Variants in CDH13 observed in about 807,000 individuals in gnomAD.
The protein encoded by CDH13 is cadherin 13.
A neutral mutation model predicts 63.8 loss-of-function variants in CDH13; 24 were observed. The ratio of observed to expected loss-of-function variants is 0.38; its 90% CI spans 0.27 to 0.53. CDH13 has a LOEUF of 0.53. Ranked by LOEUF, CDH13 falls within the 20% of genes least tolerant of loss-of-function variation. CDH13 has a pLI of 0.85. For missense variants in CDH13, 1,049 were observed against 903.1 expected (o/e 1.16, Z -2.07); for synonymous variants, 503 against 355.3 (o/e 1.42, Z -4.67).
intron 3 of CDH13, among the ~76,000 whole-genome samples, chr16:83,102,930 C>CTTTTTTTTTTTTTCTTTTTCT (rs71148812): frequency 2.1e-5 from 2 of 96,924 alleles, no homozygotes; most frequent in Non-Finnish European, 3.8e-5. Flanking sequence ...TTTTCTTTTT[C>CTTTTTTTTTTTTTCTTTTTCT]TTTTTTTTTT....
chr16:83,099,272 C>A (rs936654673), intron 3 of CDH13, among the ~76,000 whole-genome samples: 1 of 152,118 alleles, frequency 6.6e-6, no homozygotes, highest in Non-Finnish European at 1.5e-5. Flanking sequence ...TGTACACACA[C>A]ACATTTTACA....
chr16:83,616,724 T>A (rs955964209), intron 8 of CDH13, among the ~76,000 whole-genome samples: 5 of 152,136 alleles, frequency 3.3e-5, no homozygotes, highest in Non-Finnish European at 5.9e-5. Context: ...ATGGAGCCTG[T>A]TGGAAGATGA....
intron 6 of CDH13, among the ~76,000 whole-genome samples, chr16:83,359,841 C>G (rs77436711): frequency 6.6e-6 from 1 of 152,008 alleles, no homozygotes; most frequent in Non-Finnish European, 1.5e-5. Flanking sequence ...ATTTGTCATT[C>G]GGTGGTTTTT....
chr16:82,662,423 A>G (rs980207586), intron 1 of CDH13, among the ~76,000 whole-genome samples: 2 of 152,218 alleles, frequency 1.3e-5, no homozygotes, highest in Non-Finnish European at 2.9e-5. Flanking sequence ...AAAGAGATTT[A>G]TGTGATGAAA....
At chr16:83,763,057 G>T (rs141630071) in intron 11 of CDH13, among the ~76,000 whole-genome samples, 1 of 152,178 alleles carries the variant, frequency 6.6e-6, no homozygotes, top group African/African-American at 2.4e-5. Context: ...TATCAAACGC[G>T]TCATATTCCC....
intron 2 of CDH13, among the ~76,000 whole-genome samples, chr16:83,014,729 TAAAA>T (rs36157010): frequency 4.5e-5 from 1 of 22,276 alleles, no homozygotes; most frequent in African/African-American, 1.7e-4. Context: ...AGACTCCATC[TAAAA>T]AAAAAAAAAA....
intron 10 of CDH13, among the ~76,000 whole-genome samples, chr16:83,737,236 T>A (rs1263950233): frequency 1.3e-5 from 2 of 152,142 alleles, no homozygotes; most frequent in Non-Finnish European, 2.9e-5. Context: ...AGACTTAAGT[T>A]ATTAGTGAGC....
At chr16:83,763,103 G>T (rs1399498129) in intron 11 of CDH13, among the ~76,000 whole-genome samples, 2 of 152,088 alleles carry the variant, frequency 1.3e-5, no homozygotes, top group Non-Finnish European at 2.9e-5. Flanking sequence ...GGGAGTGATG[G>T]CTTTTAAAAC....
intron 11 of CDH13, among the ~76,000 whole-genome samples, chr16:83,778,215 A>C (rs1182961682): frequency 1.3e-5 from 2 of 152,254 alleles, no homozygotes; most frequent in Non-Finnish European, 2.9e-5. Flanking sequence ...TTTTATTAAC[A>C]TTGTTTAATG....
intron 4 of CDH13, among the ~76,000 whole-genome samples, chr16:83,151,226 G>A (rs2036967104): frequency 6.6e-6 from 1 of 152,196 alleles, no homozygotes; most frequent in South Asian, 2.1e-4. Flanking sequence ...TAATTGAACA[G>A]TGGTGACACA....
At chr16:82,713,148 C>G (rs947363696) in intron 1 of CDH13, among the ~76,000 whole-genome samples, 7 of 152,130 alleles carry the variant, frequency 4.6e-5, no homozygotes, top group African/African-American at 1.7e-4. Context: ...GTCATTGTCC[C>G]TCAATTTGGG....
chr16:83,584,404 A>G (rs112100842), intron 7 of CDH13, among the ~76,000 whole-genome samples: 104 of 152,290 alleles, frequency 6.8e-4, no homozygotes, highest in African/African-American at 2.0e-3. Context: ...AGAACTATCT[A>G]TGGTTTATTG....
rs560717533 is a variant in CDH13 at position 83,503,152 on chromosome 16, A to G, written c.960+16497A>G. Among the ~76,000 whole-genome samples, 11 of 152,360 alleles carry G rather than the reference A, an allele frequency of 7.2e-5. No individual in the cohort carries two copies. The South Asian group carries it at 2.1e-3, about 29-fold the overall frequency. On this transcript the variant is annotated intron_variant, in intron 7 of 13. Transcript: ENST00000567109. ...TCACATCATCAGGTAAGCAAGGGGTATAAAGTGAGGCCTTGAATCGCTCAC... is the reference window on the plus strand; with the variant it reads ...TCACATCATCAGGTAAGCAAGGGGTGTAAAGTGAGGCCTTGAATCGCTCAC...
At chr16:83,346,218 A>G (rs1239097487) in intron 6 of CDH13, among the ~76,000 whole-genome samples, 1 of 152,152 alleles carries the variant, frequency 6.6e-6, no homozygotes, top group Non-Finnish European at 1.5e-5. Flanking sequence ...AGGAGCAATG[A>G]CAGGTCTGGA....
chr16:82,676,300 C>T (rs762144978), intron 1 of CDH13, among the ~76,000 whole-genome samples: 1 of 152,020 alleles, frequency 6.6e-6, no homozygotes, highest in Non-Finnish European at 1.5e-5. Context: ...TGTGATCTTC[C>T]CTCCTAAACT....
At chr16:82,790,436 A>G (rs1157073855) in intron 1 of CDH13, among the ~76,000 whole-genome samples, 1 of 152,208 alleles carries the variant, frequency 6.6e-6, no homozygotes, top group Non-Finnish European at 1.5e-5. Context: ...CTCTGTCTCA[A>G]AAAAGAAAAA....
At chr16:83,114,272 A>G (rs565027338) in intron 3 of CDH13, among the ~76,000 whole-genome samples, 7 of 152,212 alleles carry the variant, frequency 4.6e-5, no homozygotes, top group African/African-American at 1.7e-4. Context: ...TGTGACTTTC[A>G]TTACTGGAGA....
At chr16:83,401,659 CA>C (rs60316291) in intron 6 of CDH13, among the ~76,000 whole-genome samples, 10 of 151,234 alleles carry the variant, frequency 6.6e-5, no homozygotes, top group East Asian at 1.9e-4. Flanking sequence ...ATTTTATGGA[CA>C]AAAAAAAGAG....
At chr16:82,775,651 A>T (rs2035458849) in intron 1 of CDH13, among the ~76,000 whole-genome samples, 1 of 152,200 alleles carries the variant, frequency 6.6e-6, no homozygotes, top group African/African-American at 2.4e-5. Context: ...TCTAACTGCT[A>T]AGTGGTAGAG....
Sources: allele counts gnomAD v4.1 joint callset (sites outside exome capture counted in the v4.1 genomes callset), GRCh38; gene constraint gnomAD v4.1.1; transcripts MANE v1.5; gene names NCBI Gene and HGNC (gene_info 2026-07-23, HGNC 2026-07-21).